LEF1: variants seen among roughly 807,000 people sequenced by gnomAD.
The protein encoded by LEF1 is lymphoid enhancer-binding factor 1.
A neutral mutation model predicts 51.2 loss-of-function variants in LEF1; 14 were observed. The observed-to-expected ratio is 0.27, with a 90% CI of 0.18 to 0.43. The LOEUF (loss-of-function observed/expected upper bound fraction) is 0.43, where lower values mean the gene tolerates loss of function less well. Ranked by LOEUF, LEF1 falls within the 20% of genes least tolerant of loss-of-function variation. The pLI is 1.00. For synonymous variants in LEF1, 185 were observed against 183.2 expected (o/e 1.01, Z -0.08); for missense variants, 386 against 512.0 (o/e 0.75, Z 2.37).
intron 3 of LEF1, among the ~76,000 whole-genome samples, chr4:108,121,005 A>T (rs565730312): frequency 2.0e-5 from 3 of 152,114 alleles, no homozygotes; most frequent in Admixed American, 2.0e-4. Flanking sequence ...CAAAGTAAAA[A>T]CTCAATCATA....
chr4:108,105,252 C>T (rs1741088860), intron 3 of LEF1, among the ~76,000 whole-genome samples: 1 of 147,462 alleles, frequency 6.8e-6, no homozygotes, highest in African/African-American at 2.5e-5. Flanking sequence ...ACAATCTTGG[C>T]TCACCACAAC....
In LEF1 at chr4:108,077,404, G is replaced by A. The variant is rs80069560; in HGVS notation, c.1008+816C>T. 1.3e-3 allele frequency among the ~76,000 whole-genome samples: 194 copies of A among 149,036 alleles called. 2 individuals carry two copies. Among genetic ancestry groups the A allele is most frequent in the African/African-American group, 4.3e-3 (177 of 40,702 alleles). ...TGGGAGGTGAGGGGCACCTCTGCCC[G>A]GCTGCCGCCCCGTCTGGGAAGTGAG... On this transcript the variant is annotated intron_variant, in intron 8 of 11. Transcript: ENST00000265165.
Position 108,167,013 on chromosome 4 carries a change from G to C in LEF1, c.213+542C>G. 6.6e-6 allele frequency among the ~76,000 whole-genome samples: 1 copy of C among 152,058 alleles called. No homozygotes were observed. The highest frequency in any genetic ancestry group is 1.9e-4 in the East Asian group (1 of 5,144). On this transcript the variant is annotated intron_variant, in intron 1 of 11. Transcript: ENST00000265165. This position sits in a 1 kb window ranked among gnomAD's most constrained non-coding sequence, Gnocchi z 5.7. The stretch of plus-strand genomic sequence containing the variant: ...CTGCTCCCCGCGGCCCGGCTCACCG[G>C]TGGTAGGGACGGCCCCGCCTGCCCC...
chr4:108,132,598 T>G (rs62310705), intron 3 of LEF1, among the ~76,000 whole-genome samples: 82,196 of 149,484 alleles, frequency 0.55, 23,677 homozygotes, highest in Middle Eastern at 0.74. Context: ...TAAAATGCAG[T>G]TTTCTAACAA....
chr4:108,133,392 A>G (rs968677901), intron 3 of LEF1, among the ~76,000 whole-genome samples: 1 of 152,228 alleles, frequency 6.6e-6, no homozygotes, highest in African/African-American at 2.4e-5. Context: ...CATGTTAAGC[A>G]ATTACAGACT....
rs1399575258 is a variant in LEF1 at position 108,167,352 on chromosome 4, ACACACACACACAC to A, written c.213+190_213+202del. Among the ~76,000 whole-genome samples the A allele has an allele frequency of 1.6e-4, 3 of 19,246 alleles. No individual in the cohort carries two copies. Among genetic ancestry groups the A allele is most frequent in the African/African-American group, 1.2e-3 (3 of 2,602 alleles). The allele number at this position is 19,246 out of a possible 152,430, so 12.6% of individuals were successfully genotyped here. On this transcript the variant is annotated intron_variant, in intron 1 of 11. Coordinates refer to ENST00000265165, the MANE Select transcript of LEF1 (RefSeq NM_016269.5). The surrounding 1 kb of genome is among the most constrained non-coding windows in gnomAD (Gnocchi z 5.7). ...ACCCTGCCCCTCTACCTCCCATCCT[ACACACACACACAC>A]ACACACACACACACACACACACACA...
At position 108,085,289 on chromosome 4, in the gene LEF1, G is replaced by A. The variant is rs551795943; in HGVS notation, c.548-1843C>T. Among the ~76,000 whole-genome samples, 3 of 152,248 alleles carry A rather than the reference G, an allele frequency of 2.0e-5. No homozygotes were observed. In the South Asian group the frequency reaches 6.2e-4, roughly 32 times the overall value. On this transcript the variant is annotated intron_variant, in intron 4 of 11. Coordinates refer to ENST00000265165, the MANE Select transcript of LEF1 (RefSeq NM_016269.5). The stretch of plus-strand genomic sequence containing the variant: ...AGTAGAGACAGGGCTTCGCCATGTT[G>A]GCCAGGCTGATCTTGAACTCCTGAC...
intron 3 of LEF1, among the ~76,000 whole-genome samples, chr4:108,120,373 T>C (rs942110237): frequency 6.6e-6 from 1 of 152,202 alleles, no homozygotes; most frequent in Non-Finnish European, 1.5e-5. Context: ...TCTGGCTTAA[T>C]AGAAGACAAC....
chr4:108,120,775 C>T lies in LEF1; in HGVS notation c.415-31518G>A, dbSNP rs1742127613. On this transcript the variant is annotated intron_variant, in intron 3 of 11. Transcript: ENST00000265165. Reference sequence around the variant, plus strand: ...CCACAATCACATTTGTCAATATCACCACTGAACTCATCAGAAGAGACATTA... The same window carrying T: ...CCACAATCACATTTGTCAATATCACTACTGAACTCATCAGAAGAGACATTA... 4.6e-5 allele frequency among the ~76,000 whole-genome samples: 7 copies of T among 152,278 alleles called. No individual in the cohort carries two copies. The South Asian group carries it at 1.5e-3, about 32-fold the overall frequency.
intron 3 of LEF1, among the ~76,000 whole-genome samples, chr4:108,142,491 T>A (rs1040194230): frequency 6.6e-6 from 1 of 152,196 alleles, no homozygotes; most frequent in Admixed American, 6.5e-5. Flanking sequence ...TAGTATCCTA[T>A]TTCTTAAAAT....
chr4:108,063,011 A>C (rs1397861124), intron 11 of LEF1, among the ~76,000 whole-genome samples: 1 of 152,210 alleles, frequency 6.6e-6, no homozygotes, highest in Non-Finnish European at 1.5e-5. Flanking sequence ...AATAAATATT[A>C]CTTATAAATA....
At chr4:108,110,953 C>G (rs1386111004) in intron 3 of LEF1, among the ~76,000 whole-genome samples, 2 of 152,096 alleles carry the variant, frequency 1.3e-5, no homozygotes, top group Non-Finnish European at 2.9e-5. Context: ...TGAAGATGAA[C>G]ACTTACTAAA....
chr4:108,070,476 A>C, intron 9 of LEF1, 187 bp downstream of exon 9: 3 of 220,510 alleles, frequency 1.4e-5, no homozygotes, highest in Non-Finnish European at 2.7e-5. Context: ...CACCCATAGC[A>C]AAAAAAAAAA....
intron 3 of LEF1, among the ~76,000 whole-genome samples, chr4:108,120,809 G>A (rs1742129405): frequency 6.6e-6 from 1 of 152,196 alleles, no homozygotes; most frequent in Non-Finnish European, 1.5e-5. Flanking sequence ...TAAAGGATAG[G>A]AAAGCTGTCA....
intron 3 of LEF1, among the ~76,000 whole-genome samples, chr4:108,115,978 A>C (rs1686868684): frequency 6.6e-6 from 1 of 152,044 alleles, no homozygotes; most frequent in Non-Finnish European, 1.5e-5. Context: ...ATGGAAAGCT[A>C]TTTTTGTAGA....
At chr4:108,090,455 A>G (rs188255010) in intron 3 of LEF1, among the ~76,000 whole-genome samples, 5 of 152,332 alleles carry the variant, frequency 3.3e-5, no homozygotes, top group East Asian at 1.9e-4. Flanking sequence ...TACTTTGGTT[A>G]CAAAGTTAAG....
rs113456039 is a variant in LEF1 at position 108,066,412 on chromosome 4, G to C, written c.1117-2028C>G. ...ACCTTGTTGGTCCATCCCTCAGGCAGAGCTGGGGCTCTTCTTCCTCGCTCC... is the reference window on the plus strand; with the variant it reads ...ACCTTGTTGGTCCATCCCTCAGGCACAGCTGGGGCTCTTCTTCCTCGCTCC... On this transcript the variant is annotated intron_variant, in intron 9 of 11. Transcript: ENST00000265165. Among the ~76,000 whole-genome samples, 493 of 152,310 alleles carry C rather than the reference G, an allele frequency of 3.2e-3. 3 individuals are homozygous for C. Among genetic ancestry groups the C allele is most frequent in the African/African-American group, 0.011 (469 of 41,566 alleles).
At chr4:108,166,248 C>T (rs1745385038) in intron 1 of LEF1, 1 of 1,535,466 alleles carries the variant, frequency 6.5e-7, no homozygotes, top group Non-Finnish European at 8.7e-7. Context: ...CGCAGGCCCC[C>T]AGCCTTTCAA....
At chr4:108,132,132 T>C (rs1318799633) in intron 3 of LEF1, among the ~76,000 whole-genome samples, 1 of 152,176 alleles carries the variant, frequency 6.6e-6, no homozygotes, top group African/African-American at 2.4e-5. Flanking sequence ...CCAAAAAGAA[T>C]TTATTTCATA....
Sources: gnomAD v4.1 joint callset for allele counts (sites outside exome capture counted in the v4.1 genomes callset) on GRCh38, gnomAD v4.1.1 for gene constraint, Gnocchi (gnomAD v3.1) non-coding constraint, MANE v1.5 for transcripts, NCBI Gene and HGNC (gene_info 2026-07-23, HGNC 2026-07-21) for gene names.